DENND2B: variants seen among roughly 807,000 people sequenced by gnomAD.
The protein encoded by DENND2B is DENN domain containing 2B, also known as DENN domain-containing protein 2B.
A neutral mutation model predicts 116.0 loss-of-function variants in DENND2B; 32 were observed. That is an observed-to-expected ratio of 0.28 (90% confidence interval 0.21 to 0.37). DENND2B has a LOEUF of 0.37. Among genes scored for constraint, DENND2B ranks in the 10% least tolerant of loss-of-function variants. The pLI is 1.00. For synonymous variants in DENND2B, 588 were observed against 583.9 expected (o/e 1.01, Z -0.10); for missense variants, 1,276 against 1,477.7 (o/e 0.86, Z 2.24).
intron 1 of DENND2B, among the ~76,000 whole-genome samples, chr11:8,770,096 G>A (rs1455616544): frequency 6.6e-6 from 1 of 152,164 alleles, no homozygotes; most frequent in East Asian, 1.9e-4. Context: ...GGCAACTGTG[G>A]CCCATGCTCA....
chr11:8,889,821 G>C (rs1203647104), intron 1 of DENND2B, among the ~76,000 whole-genome samples: 2 of 152,226 alleles, frequency 1.3e-5, no homozygotes, highest in Admixed American at 1.3e-4. Flanking sequence ...TGGGGGCAAG[G>C]CATAGCCAAA....
intron 1 of DENND2B, among the ~76,000 whole-genome samples, chr11:8,901,095 A>G (rs1286012551): frequency 6.6e-6 from 1 of 151,172 alleles, no homozygotes; most frequent in Non-Finnish European, 1.5e-5. Flanking sequence ...GGTTTCATTG[A>G]TTTTTCTCTA....
At chr11:8,828,267 T>C (rs147765406) in intron 4 of DENND2B, among the ~76,000 whole-genome samples, 2 of 152,248 alleles carry the variant, frequency 1.3e-5, no homozygotes, top group East Asian at 3.9e-4. Context: ...TGACCTTGAC[T>C]TCCTCTTCCA....
At chr11:8,792,980 C>T (rs1281355292) in intron 1 of DENND2B, among the ~76,000 whole-genome samples, 4 of 152,190 alleles carry the variant, frequency 2.6e-5, no homozygotes, top group South Asian at 2.1e-4. Context: ...CAGCTGGATA[C>T]TGCTGTTCAT....
intron 9 of DENND2B, 66 bp from the exon 10 acceptor site, chr11:8,711,297 C>CA: frequency 2.1e-6 from 3 of 1,431,806 alleles, no homozygotes; most frequent in Non-Finnish European, 2.9e-6. Flanking sequence ...GCTGAGAAGC[C>CA]CCTCCTCCCC....
chr11:8,904,073 A>T (rs2064205838), intron 1 of DENND2B, among the ~76,000 whole-genome samples: 1 of 152,108 alleles, frequency 6.6e-6, no homozygotes, highest in Non-Finnish European at 1.5e-5. Flanking sequence ...ACATTCCTAA[A>T]TCATTCTATA....
Position 8,730,098 on chromosome 11 carries a change from C to T in DENND2B, c.1192G>A (p.Ala398Thr), listed in dbSNP as rs745673203. The T allele has an allele frequency of 8.7e-6, 14 of 1,613,980 alleles. No individual in the cohort carries two copies. The South Asian group carries it at 1.5e-4, about 18-fold the overall frequency. Residue 398 changes from alanine to threonine, a missense_variant, in exon 3 of 20, where the codon GCT (alanine) becomes ACT (threonine). Transcript: ENST00000313726. The surrounding 1 kb of genome is among the most constrained non-coding windows in gnomAD (Gnocchi z 4.1). The part of the protein sequence containing the change: ...PKPKRTFEYE[A>T]DKNPKSKPSN... ...GGCTTACTCTTGGGGTTCTTGTCAGCCTCGTATTCAAAGGTGCGCTTGGGT... is the reference window on the plus strand; with the variant it reads ...GGCTTACTCTTGGGGTTCTTGTCAGTCTCGTATTCAAAGGTGCGCTTGGGT...
At chr11:8,885,157 C>T (rs2063946701) in intron 1 of DENND2B, among the ~76,000 whole-genome samples, 1 of 152,160 alleles carries the variant, frequency 6.6e-6, no homozygotes, top group Non-Finnish European at 1.5e-5. Flanking sequence ...AATCTTGGGT[C>T]ACAGATATGC....
intron 1 of DENND2B, among the ~76,000 whole-genome samples, chr11:8,890,262 C>T (rs1236272492): frequency 1.3e-5 from 2 of 152,074 alleles, no homozygotes; most frequent in African/African-American, 4.8e-5. Context: ...CATCAAAGAC[C>T]AAAGGTAGAT....
upstream of DENND2B, among the ~76,000 whole-genome samples, chr11:8,814,537 C>T (rs1246778137): frequency 6.6e-6 from 1 of 152,144 alleles, no homozygotes; most frequent in Non-Finnish European, 1.5e-5. Flanking sequence ...CAGTCTTTGC[C>T]TGGATAGCTC....
At position 8,707,181 on chromosome 11, in the gene DENND2B, C is replaced by G; in HGVS notation, c.2475G>C (p.Leu825Phe). ...TGAGACTTCTCATGAAAGGATAGACCAATGCAGCGGAGATCCCACGCCGGC... is the reference window on the plus strand; with the variant it reads ...TGAGACTTCTCATGAAAGGATAGACGAATGCAGCGGAGATCCCACGCCGGC... ...VERRRGISAA[L>F]VYPFMRSLME... Residue 825 changes from leucine to phenylalanine, a missense_variant, in exon 13 of 20, where the codon TTG becomes TTC. By Grantham distance (22) the Leu-to-Phe change is conservative. Coordinates refer to ENST00000313726, the MANE Select transcript of DENND2B (RefSeq NM_213618.2). This position sits in a 1 kb window ranked among gnomAD's most constrained non-coding sequence, Gnocchi z 4.8. 1 of 1,613,858 alleles carries G rather than the reference C, an allele frequency of 6.2e-7. No homozygotes were observed. The highest frequency in any genetic ancestry group is 8.5e-7 in the Non-Finnish European group (1 of 1,179,866).
At chr11:8,799,386 A>G (rs915239950) in intron 1 of DENND2B, among the ~76,000 whole-genome samples, 4 of 152,154 alleles carry the variant, frequency 2.6e-5, no homozygotes, top group African/African-American at 9.7e-5. Flanking sequence ...GAGGCAGAGA[A>G]CATAAGAAAC....
intron 1 of DENND2B, among the ~76,000 whole-genome samples, chr11:8,772,862 C>T (rs1298690329): frequency 6.6e-6 from 1 of 151,902 alleles, no homozygotes; most frequent in African/African-American, 2.4e-5. Context: ...ATCCCAACTC[C>T]TTGGGTATGC....
chr11:8,697,977 C>G (rs1411041977), intron 16 of DENND2B: 5 of 450,332 alleles, frequency 1.1e-5, no homozygotes, highest in South Asian at 4.9e-5. Flanking sequence ...GCAAAACACA[C>G]ACAAAAAAAC....
intron 3 of DENND2B, among the ~76,000 whole-genome samples, chr11:8,841,803 A>C (rs2062632365): frequency 6.6e-6 from 1 of 152,202 alleles, no homozygotes; most frequent in Non-Finnish European, 1.5e-5. Flanking sequence ...CCTTTCCATG[A>C]AACGGAAACA....
intron 1 of DENND2B, among the ~76,000 whole-genome samples, chr11:8,894,701 A>T (rs932825854): frequency 1.3e-5 from 2 of 152,190 alleles, no homozygotes; most frequent in Non-Finnish European, 2.9e-5. Context: ...ACAATGAGAT[A>T]CCATCTCACA....
intron 1 of DENND2B, among the ~76,000 whole-genome samples, chr11:8,883,686 T>C (rs1352925316): frequency 2.0e-5 from 3 of 152,234 alleles, no homozygotes; most frequent in African/African-American, 7.2e-5. Flanking sequence ...CAGCTTGTTT[T>C]AACTTGCTGA....
At chr11:8,781,789 A>C (rs1449885216) in intron 1 of DENND2B, among the ~76,000 whole-genome samples, 19 of 152,216 alleles carry the variant, frequency 1.2e-4, no homozygotes, top group Non-Finnish European at 4.4e-5. Flanking sequence ...CAACTGAAAA[A>C]TAAGTAAAAG....
intron 1 of DENND2B, chr11:8,768,851 T>G (rs148771508): frequency 1.3e-5 from 2 of 152,420 alleles, no homozygotes; most frequent in Non-Finnish European, 2.9e-5. Context: ...TCTTGTATAT[T>G]TTCATATTTG....
Sources: allele counts gnomAD v4.1 joint callset (sites outside exome capture counted in the v4.1 genomes callset), GRCh38; gene constraint gnomAD v4.1.1; non-coding constraint Gnocchi (gnomAD v3.1); transcripts MANE v1.5; gene names NCBI Gene and HGNC (gene_info 2026-07-23, HGNC 2026-07-21).